Variants in AIG1 observed in about 807,000 individuals in gnomAD.
AIG1 encodes androgen induced 1, also known as androgen-induced gene 1 protein.
A neutral mutation model predicts 31.4 loss-of-function variants in AIG1; 23 were observed. The ratio of observed to expected loss-of-function variants is 0.73; its 90% confidence interval spans 0.53 to 1.04. AIG1 has a LOEUF of 1.04. AIG1 is among the 50% of genes least tolerant of loss of function. The pLI, the probability that AIG1 is intolerant of heterozygous loss-of-function variation, is 0.00. For missense variants in AIG1, 274 were observed against 295.0 expected, an observed-to-expected ratio of 0.93 and a Z score of 0.52; for synonymous variants, 100 against 110.5, an observed-to-expected ratio of 0.90 and a Z score of 0.60.
chr6:143,194,179 G>A (rs1211425631), intron 3 of AIG1, among the ~76,000 whole-genome samples: 2 of 152,194 alleles, frequency 1.3e-5, no homozygotes, highest in African/African-American at 4.8e-5. Context: ...AGTTCTGTAT[G>A]GCTGGGTAGG....
chr6:143,180,687 T>C (rs1640460039), intron 3 of AIG1, among the ~76,000 whole-genome samples: 1 of 152,170 alleles, frequency 6.6e-6, no homozygotes, highest in Non-Finnish European at 1.5e-5. Context: ...GTTAGGATAT[T>C]ATTATTATTA....
chr6:143,137,056 GAA>G, intron 2 of AIG1, 66 bp downstream of exon 2: 1 of 1,288,314 alleles, frequency 7.8e-7, no homozygotes, highest in East Asian at 2.8e-5. Flanking sequence ...ACTTCTAAGA[GAA>G]AAAAAAAGAG....
At chr6:143,198,924 A>AG (rs1790472841) in intron 3 of AIG1, among the ~76,000 whole-genome samples, 1 of 152,210 alleles carries the variant, frequency 6.6e-6, no homozygotes, top group Non-Finnish European at 1.5e-5. Context: ...GACAAATAGC[A>AG]GCCTTTGCCA....
rs372381702 is a variant in AIG1, at chr6:143,336,190, AGAAG to A, written c.679+2750_679+2753del. Among the ~76,000 whole-genome samples, 810 of 152,296 alleles carry A rather than the reference AGAAG, an allele frequency of 5.3e-3. 4 individuals are homozygous for A. The highest frequency in any genetic ancestry group is 0.018 in the African/African-American group (753 of 41,554). ...TCAGTTACTATACAATCCCCCAAGA[AGAAG>A]GAAGATTGCATTGGAGCCACCCTCC... On this transcript the variant is annotated intron_variant, in intron 5 of 5. Transcript: ENST00000357847.
intron 3 of AIG1, among the ~76,000 whole-genome samples, chr6:143,170,660 T>A (rs1787418779): frequency 6.6e-6 from 1 of 151,970 alleles, no homozygotes; most frequent in African/African-American, 2.4e-5. Context: ...TATTATTTCT[T>A]TCCTTCTATT....
chr6:143,121,263 G>C (rs2128500872), intron 1 of AIG1, among the ~76,000 whole-genome samples: 1 of 152,298 alleles, frequency 6.6e-6, no homozygotes, highest in South Asian at 2.1e-4. Context: ...TCCCGACCAA[G>C]CTGGTCTCAG....
At chr6:143,313,451 G>A (rs114871177) in intron 4 of AIG1, among the ~76,000 whole-genome samples, 8,164 of 152,130 alleles carry the variant, frequency 0.054, 683 homozygotes, top group African/African-American at 0.18. Context: ...TAAGCCAGGC[G>A]CGGAAAGACA....
intron 1 of AIG1, among the ~76,000 whole-genome samples, chr6:143,113,533 G>A (rs368269659): frequency 8.6e-5 from 13 of 151,014 alleles, no homozygotes; most frequent in African/African-American, 2.7e-4. Context: ...AACTCAGGAG[G>A]CGGAGGTTGT....
intron 3 of AIG1, among the ~76,000 whole-genome samples, chr6:143,267,577 C>A (rs1796242875): frequency 6.6e-6 from 1 of 152,096 alleles, no homozygotes; most frequent in South Asian, 2.1e-4. Flanking sequence ...CCCCTTCATC[C>A]TTTCTGATTC....
At chr6:143,139,078 A>G (rs540370580) in intron 2 of AIG1, among the ~76,000 whole-genome samples, 1 of 152,132 alleles carries the variant, frequency 6.6e-6, no homozygotes, top group African/African-American at 2.4e-5. Flanking sequence ...CCTTTGGGGG[A>G]AACTTTTGCA....
chr6:143,192,504 C>G (rs1789878344), intron 3 of AIG1, among the ~76,000 whole-genome samples: 1 of 151,732 alleles, frequency 6.6e-6, no homozygotes, highest in Non-Finnish European at 1.5e-5. Flanking sequence ...TCTCGGGAGG[C>G]TGATGCAGGG....
chr6:143,231,183 A>G (rs1378097901), intron 3 of AIG1, among the ~76,000 whole-genome samples: 1 of 152,246 alleles, frequency 6.6e-6, no homozygotes, highest in African/African-American at 2.4e-5. Flanking sequence ...AGTGCATAGC[A>G]AGTGTTCATT....
Position 143,061,053 on chromosome 6 carries a change from C to T in AIG1, c.128C>T (p.Thr43Met), listed in dbSNP as rs774542456. 6 of 1,613,154 alleles carry T rather than the reference C, an allele frequency of 3.7e-6. No individual in the cohort carries two copies. The highest frequency in any genetic ancestry group is 4.2e-6 in the Non-Finnish European group (5 of 1,179,522). Reference sequence around the variant, plus strand: ...TACGGAGGGAGCTGGAAATTCCTGACGTTCATTGATCTGGTAAGGCCGTCC... The same window carrying T: ...TACGGAGGGAGCTGGAAATTCCTGATGTTCATTGATCTGGTAAGGCCGTCC... ...QTYGGSWKFL[T>M]FIDLVIQAVF... The change falls in exon 1 of 6, where the codon ACG becomes ATG. Residue 43 changes from threonine (T) to methionine (M), a missense_variant. This residue lies in a region of AIG1 where 243 missense variants were observed against 238.5 expected (regional missense o/e 1.02). Transcript: ENST00000357847.
chr6:143,214,767 C>T (rs911503696), intron 3 of AIG1, among the ~76,000 whole-genome samples: 27 of 152,168 alleles, frequency 1.8e-4, no homozygotes, highest in Non-Finnish European at 3.2e-4. Context: ...CCCTGCACAC[C>T]TATGCTTCAC....
chr6:143,343,472 C>T (rs983189114), downstream of AIG1: 1 of 286,414 alleles, frequency 3.5e-6, no homozygotes, highest in Non-Finnish European at 7.0e-6. Flanking sequence ...TGGCTACGTT[C>T]CCGCCTGGAA....
intron 1 of AIG1, chr6:143,126,415 C>T (rs547981797): frequency 1.3e-5 from 2 of 152,274 alleles, no homozygotes; most frequent in East Asian, 1.9e-4. Context: ...GGGATTCACT[C>T]ATCTGGTTTC....
At chr6:143,064,072 T>C (rs2128456451) in intron 1 of AIG1, among the ~76,000 whole-genome samples, 1 of 152,322 alleles carries the variant, frequency 6.6e-6, no homozygotes, top group South Asian at 2.1e-4. Flanking sequence ...AAGAACACTG[T>C]CTTGGTGTGG....
chr6:143,148,602 G>T (rs1244740742), intron 2 of AIG1, among the ~76,000 whole-genome samples: 1 of 152,054 alleles, frequency 6.6e-6, no homozygotes, highest in East Asian at 1.9e-4. Flanking sequence ...GAGATGGGAG[G>T]ATTGCTTGAA....
intron 3 of AIG1, among the ~76,000 whole-genome samples, chr6:143,254,301 A>T (rs1196284185): frequency 6.6e-6 from 1 of 152,196 alleles, no homozygotes; most frequent in African/African-American, 2.4e-5. Context: ...TGCAAGAAGC[A>T]GGGAGGGGCA....
Sources: allele counts gnomAD v4.1 joint callset (sites outside exome capture counted in the v4.1 genomes callset), GRCh38; gene constraint gnomAD v4.1.1; regional missense constraint gnomAD v4.1.1; transcripts MANE v1.5; gene names NCBI Gene and HGNC (gene_info 2026-07-23, HGNC 2026-07-21).